Variants in USP33 observed in about 807,000 individuals in gnomAD.
USP33 encodes ubiquitin carboxyl-terminal hydrolase 33.
USP33 carries 46 observed loss-of-function variants against 124.2 expected under a neutral mutation model. The observed-to-expected ratio is 0.37, with a 90% CI of 0.29 to 0.47. The LOEUF (loss-of-function observed/expected upper bound fraction) is 0.47. Among genes scored for constraint, USP33 ranks in the 20% least tolerant of loss-of-function variants. The pLI, the probability that USP33 is intolerant of heterozygous loss-of-function variation, is 0.99. For missense variants in USP33, 851 were observed against 1,070.6 expected (o/e 0.79, Z 2.86); for synonymous variants, 350 against 352.3 (o/e 0.99, Z 0.07).
intron 1 of USP33, chr1:77,759,370 A>C: frequency 5.3e-6 from 2 of 375,584 alleles, no homozygotes; most frequent in East Asian, 3.8e-5. Flanking sequence ...CTTCCAGGGA[A>C]GAACCCCTGA....
rs1241706676 is a variant in USP33 at position 77,709,660 on chromosome 1, C to CTA, written c.2406+2085_2406+2086dup. ...TACATATAGATCTATCTAGATAGAT[C>CTA]TATATATATATATGTCTCTGACAGC... is the stretch of plus-strand genomic sequence containing the variant. On this transcript the variant is annotated intron_variant, in intron 21 of 23. Transcript: ENST00000370794. 1.6e-3 allele frequency among the ~76,000 whole-genome samples: 239 copies of CTA among 149,612 alleles called. 2 individuals are homozygous for CTA. Among genetic ancestry groups the CTA allele is most frequent in the African/African-American group, 5.2e-3 (214 of 40,836 alleles).
chr1:77,747,742 G>A (rs566731244), intron 1 of USP33, among the ~76,000 whole-genome samples: 1 of 152,194 alleles, frequency 6.6e-6, no homozygotes, highest in African/African-American at 2.4e-5. Context: ...ACTAAACCTG[G>A]AGAATAACCT....
intron 3 of USP33, 39 bp from the exon 4 acceptor site, chr1:77,740,978 A>G (rs1679053316): frequency 1.5e-6 from 2 of 1,317,480 alleles, no homozygotes; most frequent in African/African-American, 1.5e-5. Flanking sequence ...AAGGTACTTT[A>G]TAATATACAT....
chr1:77,718,148 CTG>C, intron 16 of USP33, 101 bp from the exon 17 acceptor site: 1 of 981,720 alleles, frequency 1.0e-6, no homozygotes, highest in African/African-American at 1.7e-5. Context: ...AAGCAAGAAA[CTG>C]AGGTGTTCAA....
intron 12 of USP33, 90 bp from the exon 13 acceptor site, chr1:77,722,286 T>A (rs1304522298): frequency 1.6e-6 from 2 of 1,280,790 alleles, no homozygotes; most frequent in Non-Finnish European, 2.1e-6. Context: ...GATCAAAGCA[T>A]GTTTAAATAA....
Position 77,696,728 on chromosome 1 carries a change from G to C in USP33, c.*589C>G, listed in dbSNP as rs1673465218. On this transcript the variant is annotated 3_prime_UTR_variant, in exon 24 of 24. Transcript: ENST00000370794. ...ACACTACAAAGGATACTATGGATCT[G>C]CATGTAGTGTAAAGATTAAAGATAA... 6.6e-6 allele frequency: 1 copy of C among 152,208 alleles called. No individual in the cohort carries two copies. Among genetic ancestry groups the C allele is most frequent in the Admixed American group, 6.5e-5 (1 of 15,270 alleles). The allele number at this position is 152,208 out of a possible 1,614,324, so 9.4% of individuals were successfully genotyped here. A position where few individuals can be genotyped will look rare whatever the true frequency, so the allele number is the denominator to read the frequency against.
chr1:77,705,264 G>A (rs1168136682), intron 21 of USP33, among the ~76,000 whole-genome samples: 5 of 149,760 alleles, frequency 3.3e-5, no homozygotes, highest in African/African-American at 7.4e-5. Context: ...GTGCGATCTC[G>A]GCTCACTGCA....
At chr1:77,729,790 CA>C in intron 9 of USP33, 69 bp downstream of exon 9, 51 of 1,476,014 alleles carry the variant, frequency 3.5e-5, no homozygotes, top group South Asian at 5.8e-5. Context: ...TAAGTAGACC[CA>C]AAAAAAACAT....
intron 15 of USP33, chr1:77,720,270 G>C: frequency 2.1e-6 from 2 of 968,194 alleles, no homozygotes; most frequent in Non-Finnish European, 2.4e-6. Flanking sequence ...ACATTTGACA[G>C]ATCTCTACTT....
intron 1 of USP33, among the ~76,000 whole-genome samples, chr1:77,749,971 A>G (rs1159121369): frequency 3.9e-5 from 6 of 152,342 alleles, no homozygotes; most frequent in Non-Finnish European, 8.8e-5. Flanking sequence ...AGAATAAAAC[A>G]TAAATACATT....
intron 18 of USP33, among the ~76,000 whole-genome samples, chr1:77,715,165 AT>A (rs1675726219): frequency 6.6e-6 from 1 of 152,154 alleles, no homozygotes; most frequent in Non-Finnish European, 1.5e-5. Flanking sequence ...TTGGTACTTA[AT>A]TCAGACCATC....
chr1:77,743,439 A>T (rs936843666), intron 1 of USP33, among the ~76,000 whole-genome samples: 1 of 152,090 alleles, frequency 6.6e-6, no homozygotes, highest in Non-Finnish European at 1.5e-5. Context: ...CAACACACAA[A>T]ATTCACCAGG....
intron 21 of USP33, 93 bp downstream of exon 21, chr1:77,711,654 T>A: frequency 6.5e-7 from 1 of 1,527,988 alleles, no homozygotes; most frequent in South Asian, 1.3e-5. Context: ...TACAACTCTT[T>A]CATCTAATCA....
chr1:77,759,290 G>A (rs929510613), intron 1 of USP33: 16 of 289,068 alleles, frequency 5.5e-5, no homozygotes, highest in Admixed American at 2.6e-4. Context: ...GAGAGGGACT[G>A]GCAAGCCTGA....
chr1:77,736,195 C>T (rs886106305), intron 5 of USP33, 37 bp from the exon 6 acceptor site: 1 of 1,432,526 alleles, frequency 7.0e-7, no homozygotes, highest in Non-Finnish European at 9.6e-7. Context: ...TTGAACAAAT[C>T]CTTAAATTTA....
chr1:77,720,856 A>C (rs1173942365), intron 15 of USP33, among the ~76,000 whole-genome samples: 1 of 152,200 alleles, frequency 6.6e-6, no homozygotes, highest in Non-Finnish European at 1.5e-5. Context: ...TGTACCTTTC[A>C]CTTCCTGAAT....
At chr1:77,716,908 C>T (rs1675978708) in intron 17 of USP33, among the ~76,000 whole-genome samples, 1 of 151,202 alleles carries the variant, frequency 6.6e-6, no homozygotes, top group African/African-American at 2.4e-5. Context: ...TCTTGTTGCC[C>T]AGGCTGGAGT....
At chr1:77,757,111 T>C (rs1371541617) in intron 1 of USP33, among the ~76,000 whole-genome samples, 1 of 152,186 alleles carries the variant, frequency 6.6e-6, no homozygotes, top group Non-Finnish European at 1.5e-5. Context: ...ACAAATATCC[T>C]CCAATATTTA....
At chr1:77,749,583 T>C (rs1241097007) in intron 1 of USP33, among the ~76,000 whole-genome samples, 1 of 152,130 alleles carries the variant, frequency 6.6e-6, no homozygotes, top group African/African-American at 2.4e-5. Context: ...GATTTCACCA[T>C]GTTGGCCAGG....
Sources: gnomAD v4.1 joint callset for allele counts (sites outside exome capture counted in the v4.1 genomes callset) on GRCh38, gnomAD v4.1.1 for gene constraint, MANE v1.5 for transcripts, NCBI Gene and HGNC (gene_info 2026-07-23, HGNC 2026-07-21) for gene names.